The following SFTPC variants were observed in gnomAD, a reference collection of about 807,000 sequenced individuals.
The protein encoded by SFTPC is surfactant protein C.
In SFTPC, 12 loss-of-function variants were observed where a neutral mutation model predicts 19.9. The observed-to-expected ratio is 0.60, with a 90% CI of 0.39 to 0.98. The LOEUF is 0.98. SFTPC is among the 50% of genes least tolerant of loss of function. The pLI is 0.00. For synonymous variants in SFTPC, 123 were observed against 103.3 expected, an observed-to-expected ratio of 1.19 and a Z score of -1.16; for missense variants, 219 against 252.2, an observed-to-expected ratio of 0.87 and a Z score of 0.89.
intron 1 of SFTPC, among the ~76,000 whole-genome samples, chr8:22,162,341 G>A (rs979425350): frequency 8.5e-5 from 13 of 152,256 alleles, no homozygotes; most frequent in African/African-American, 3.1e-4. Flanking sequence ...GGCTCTCTTG[G>A]GTCCCTCAAA....
upstream of SFTPC, chr8:22,157,636 A>T (rs1266087222): frequency 6.6e-6 from 1 of 152,206 alleles, no homozygotes; most frequent in Non-Finnish European, 1.5e-5. Flanking sequence ...TAGCCCTGGG[A>T]GCCCGGGGGT....
chr8:22,163,108 A>G lies in SFTPC; in HGVS notation c.230A>G (p.Glu77Gly), dbSNP rs1827826905. ...MVLEMSIGAP[E>G]AQQRLALSEH... is the part of the protein sequence containing the mutation. ...CTGGAGATGAGCATTGGGGCGCCGG[A>G]AGCCCAGCAACGCCTGGCCCTGAGT... The change falls in exon 3 of 6, where the codon GAA becomes GGA. Residue 77 changes from glutamate (E) to glycine (G), a missense_variant. Coordinates refer to ENST00000679463, the MANE Select transcript of SFTPC (RefSeq NM_001317778.2). The G allele has an allele frequency of 6.2e-7, 1 of 1,614,032 alleles. No homozygotes were observed. The highest frequency in any genetic ancestry group is 1.7e-5 in the Admixed American group (1 of 60,004).
In SFTPC at chr8:22,161,988, T is replaced by G. The variant is rs1827749192; in HGVS notation, c.42+118T>G. On this transcript the variant is annotated intron_variant, in intron 1 of 5. Transcript: ENST00000679463. ...TCCAGATCCATTCACTCAACTAACC[T>G]AGGACTGTGATAAGTCAGGATGGGG... 3.8e-6 allele frequency: 4 copies of G among 1,053,444 alleles called. No individual in the cohort carries two copies. In the East Asian group the frequency reaches 7.6e-5, roughly 20 times the overall value. The allele number at this position is 1,053,444 out of a possible 1,614,324, so 65.3% of individuals were successfully genotyped here.
At chr8:22,160,015 C>A (rs1827651916), upstream of SFTPC, among the ~76,000 whole-genome samples, 1 of 152,230 alleles carries the variant, frequency 6.6e-6, no homozygotes, top group Non-Finnish European at 1.5e-5. Context: ...TGGGCTCCCC[C>A]TCCTCCCGGC....
Position 22,162,778 on chromosome 8 carries a change from C to T in SFTPC, c.201+46C>T, listed in dbSNP as rs751441472. On this transcript the variant is annotated intron_variant, in intron 2 of 5. Transcript: ENST00000679463. ...AGCAGTGGGCACAGGACATGCCAGA[C>T]AGCGGGGCTAGGTGGGATGGGCGAT... The T allele has an allele frequency of 9.2e-5, 148 of 1,610,376 alleles. No individual in the cohort carries two copies. In the Middle Eastern group the frequency reaches 2.0e-3, roughly 22 times the overall value.
Position 22,163,947 on chromosome 8 carries a change from G to T in SFTPC, c.482G>T (p.Arg161Leu). The change falls in exon 5 of 6, where the codon CGA becomes CTA. Residue 161 changes from arginine (R) to leucine (L), a missense_variant. Coordinates refer to ENST00000679463, the MANE Select transcript of SFTPC (RefSeq NM_001317778.2). ...PTSKLGQAEG[R>L]DAGSAPSGGD... is the part of the protein sequence containing the mutation. ...TCTAAGCTGGGCCAGGCAGAGGGGC[G>T]AGATGCAGGCTCAGCACCCTCCGGA... 6.2e-7 allele frequency: 1 copy of T among 1,613,684 alleles called. No homozygotes were observed. The highest frequency in any genetic ancestry group is 8.5e-7 in the Non-Finnish European group (1 of 1,180,042).
chr8:22,163,014 T>C, intron 2 of SFTPC, 66 bp from the exon 3 acceptor site: 2 of 1,606,646 alleles, frequency 1.2e-6, no homozygotes, highest in African/African-American at 1.3e-5. Flanking sequence ...GGCCTGAGTA[T>C]GGGGATGGGT....
chr8:22,158,953 G>C (rs1041759801), upstream of SFTPC: 2 of 152,244 alleles, frequency 1.3e-5, no homozygotes, highest in Admixed American at 1.3e-4. Context: ...TGGGCTGGAA[G>C]ATAGAGCAAC....
rs770013219 is a variant in SFTPC at position 22,163,733 on chromosome 8, C to T, written c.436-168C>T. On this transcript the variant is annotated intron_variant, in intron 4 of 5. Coordinates refer to ENST00000679463, the MANE Select transcript of SFTPC (RefSeq NM_001317778.2). ...CCCACTGCCAAGCTGCTGGGCTCAG[C>T]TGAGTCCACTCACTACCTGGTGGCT... 1.1e-5 allele frequency: 9 copies of T among 819,970 alleles called. No individual in the cohort carries two copies. The South Asian group carries it at 1.3e-4, about 12-fold the overall frequency. 50.8% of individuals were successfully genotyped at this position (819,970 alleles called of 1,614,324 possible). A position where few individuals can be genotyped will look rare whatever the true frequency, so the allele number is the denominator to read the frequency against.
rs766180273 is a variant in SFTPC, at chr8:22,163,203, G to T, written c.324+1G>T. 1.2e-6 allele frequency: 2 copies of T among 1,614,196 alleles called. No homozygotes were observed. Among genetic ancestry groups the T allele is most frequent in the South Asian group, 1.1e-5 (1 of 91,086 alleles). On this transcript the variant is annotated splice_donor_variant, in intron 3 of 5. Coordinates refer to ENST00000679463, the MANE Select transcript of SFTPC (RefSeq NM_001317778.2). LOFTEE classifies it high-confidence loss of function. Reference sequence around the variant, plus strand: ...CCTCGTGGTGTATGACTACCAGCAGGTGGGTATGCCCAGACCTCCTGACCC... The same window carrying T: ...CCTCGTGGTGTATGACTACCAGCAGTTGGGTATGCCCAGACCTCCTGACCC...
chr8:22,158,322 G>C (rs1203622020), upstream of SFTPC, among the ~76,000 whole-genome samples: 1 of 152,208 alleles, frequency 6.6e-6, no homozygotes, highest in African/African-American at 2.4e-5. Flanking sequence ...ATGCCAGCTT[G>C]GGGGGAGGGA....
In SFTPC at chr8:22,163,956, G is replaced by A; in HGVS notation, c.491G>A (p.Gly164Asp). ...KLGQAEGRDA[G>D]SAPSGGDPAF... Reference sequence around the variant, plus strand: ...GGCCAGGCAGAGGGGCGAGATGCAGGCTCAGCACCCTCCGGAGGGGACCCG... The same window carrying A: ...GGCCAGGCAGAGGGGCGAGATGCAGACTCAGCACCCTCCGGAGGGGACCCG... Residue 164 changes from glycine (G) to aspartate (D), a missense_variant, in exon 5 of 6, where the codon GGC becomes GAC. Transcript: ENST00000679463. The A allele has an allele frequency of 1.2e-6, 2 of 1,613,522 alleles. No individual in the cohort carries two copies. The highest frequency in any genetic ancestry group is 1.7e-6 in the Non-Finnish European group (2 of 1,180,038).
Position 22,163,888 on chromosome 8 carries a change from A to T in SFTPC, c.436-13A>T. On this transcript the variant is annotated splice_polypyrimidine_tract_variant and intron_variant, in intron 4 of 5. Transcript: ENST00000679463. ...ACTCACTTCCTACATTCCAGATGGAATGCTCTCTGCAGGCCAAGCCCGCAG... is the reference window on the plus strand; with the variant it reads ...ACTCACTTCCTACATTCCAGATGGATTGCTCTCTGCAGGCCAAGCCCGCAG... 6.2e-7 allele frequency: 1 copy of T among 1,610,640 alleles called. No homozygotes were observed. Among genetic ancestry groups the T allele is most frequent in the Non-Finnish European group, 8.5e-7 (1 of 1,177,010 alleles).
At chr8:22,163,281 A>G (rs1182125277) in intron 3 of SFTPC, 79 bp downstream of exon 3, 8 of 1,592,744 alleles carry the variant, frequency 5.0e-6, no homozygotes, top group African/African-American at 1.3e-5. Flanking sequence ...CACTTCATCC[A>G]CATCCATCTC....
intron 1 of SFTPC, 96 bp from the exon 2 acceptor site, chr8:22,162,478 C>T (rs1190889976): frequency 7.8e-6 from 11 of 1,416,000 alleles, no homozygotes; most frequent in Non-Finnish European, 1.1e-5. Context: ...CTGTCCAGCC[C>T]TAGGCAGCCG....
Position 22,164,014 on chromosome 8 carries a change from T to C in SFTPC, c.549T>C (p.Cys183=). The C allele has an allele frequency of 6.2e-7, 1 of 1,612,234 alleles. No individual in the cohort carries two copies. Among genetic ancestry groups the C allele is most frequent in the Non-Finnish European group, 8.5e-7 (1 of 1,180,008 alleles). The change falls in exon 5 of 6, where the codon TGT becomes TGC. Residue 183 remains cysteine, a synonymous_variant. Coordinates refer to ENST00000679463, the MANE Select transcript of SFTPC (RefSeq NM_001317778.2). ...TGGGCATGGCCGTGAGCACCCTGTG[T>C]GGCGAGGTGCCGCTCTACTACATCT... ...AFLGMAVSTL[C]GEVPLYYI
At chr8:22,159,139 A>ATGCACTGTTCACGCCTG (rs1827614624), upstream of SFTPC, 1 of 152,762 alleles carries the variant, frequency 6.5e-6, no homozygotes, top group Non-Finnish European at 1.5e-5. Context: ...GGAAGGTCAG[A>ATGCACTGTTCACGCCTG]TGCACTGTTC....
At chr8:22,159,643 C>T (rs2131806288), upstream of SFTPC, 4 of 543,216 alleles carry the variant, frequency 7.4e-6, no homozygotes, top group South Asian at 6.1e-5. Context: ...GCAGGGGAGA[C>T]CAAGGACCAG....
chr8:22,161,630 G>A (rs1290505009), upstream of SFTPC: 9 of 1,539,480 alleles, frequency 5.8e-6, no homozygotes, highest in Admixed American at 1.7e-4. Flanking sequence ...CAGGGCCAAG[G>A]GCCCTTGGGG....
Sources: allele counts gnomAD v4.1 joint callset (sites outside exome capture counted in the v4.1 genomes callset), GRCh38; gene constraint gnomAD v4.1.1; transcripts MANE v1.5; gene names NCBI Gene and HGNC (gene_info 2026-07-23, HGNC 2026-07-21).